TANC1: variants seen among roughly 807,000 people sequenced by gnomAD.
TANC1 encodes protein TANC1.
A neutral mutation model predicts 149.7 loss-of-function variants in TANC1; 77 were observed. The ratio of observed to expected loss-of-function variants is 0.51; its 90% CI spans 0.43 to 0.62. The LOEUF is 0.62. Ranked by LOEUF, TANC1 falls within the 20% of genes least tolerant of loss-of-function variation. The pLI is 0.00. For missense variants in TANC1, 1,985 were observed against 2,321.8 expected, an observed-to-expected ratio of 0.85 and a Z score of 2.98; for synonymous variants, 854 against 925.0, an observed-to-expected ratio of 0.92 and a Z score of 1.39.
chr2:159,025,237 C>CTTTCTTTCT (rs2039217348), intron 2 of TANC1, among the ~76,000 whole-genome samples: 1 of 112,576 alleles, frequency 8.9e-6, no homozygotes, highest in Non-Finnish European at 1.9e-5. Context: ...TTCTTTCTTT[C>CTTTCTTTCT]TTTTCTCCTT....
rs1318908417 is a variant in TANC1, at chr2:159,004,045, T to C, written c.-16+2856T>C. Reference sequence around the variant, plus strand: ...ATGATTAAAGATGATGGGACAGTTATTCATTTCAACAATCCCAAAGTCCAA... The same window carrying C: ...ATGATTAAAGATGATGGGACAGTTACTCATTTCAACAATCCCAAAGTCCAA... On this transcript the variant is annotated intron_variant, in intron 2 of 26. Transcript: ENST00000263635. 1.1e-5 allele frequency: 17 copies of C among 1,612,208 alleles called. No individual in the cohort carries two copies. The African/African-American group carries it at 1.2e-4, about 11-fold the overall frequency.
At chr2:159,092,202 A>T (rs2045627910) in intron 3 of TANC1, among the ~76,000 whole-genome samples, 1 of 152,132 alleles carries the variant, frequency 6.6e-6, no homozygotes, top group African/African-American at 2.4e-5. Flanking sequence ...AATAAATGGA[A>T]ATCTTATTTC....
intron 19 of TANC1, 124 bp from the exon 20 acceptor site, chr2:159,217,373 A>G: frequency 8.1e-7 from 1 of 1,234,110 alleles, no homozygotes; most frequent in Non-Finnish European, 1.2e-6. Flanking sequence ...GAGCCCCCGC[A>G]GGTTCAAAGG....
intron 8 of TANC1, among the ~76,000 whole-genome samples, chr2:159,165,493 A>G (rs1409910049): frequency 1.3e-5 from 2 of 152,230 alleles, no homozygotes; most frequent in Non-Finnish European, 2.9e-5. Context: ...TTAACAAGCT[A>G]GGAGTCTGGT....
chr2:159,149,647 G>A, intron 6 of TANC1: 1 of 225,330 alleles, frequency 4.4e-6, no homozygotes, highest in Non-Finnish European at 8.9e-6. Flanking sequence ...TAGCTGTTGA[G>A]ATTTTGGAGG....
At chr2:159,193,524 G>T (rs1487115547) in intron 16 of TANC1, among the ~76,000 whole-genome samples, 1 of 152,050 alleles carries the variant, frequency 6.6e-6, no homozygotes, top group African/African-American at 2.4e-5. Context: ...GTTATTTTTT[G>T]TTGTTTTGTT....
At chr2:158,992,440 G>T (rs1473613624) in intron 1 of TANC1, among the ~76,000 whole-genome samples, 1 of 150,978 alleles carries the variant, frequency 6.6e-6, no homozygotes, top group African/African-American at 2.4e-5. Flanking sequence ...TCTGTTCTTT[G>T]CCTATGCCTT....
chr2:158,996,627 T>G (rs191930253), intron 1 of TANC1, among the ~76,000 whole-genome samples: 1 of 152,250 alleles, frequency 6.6e-6, no homozygotes, highest in Non-Finnish European at 1.5e-5. Context: ...CTAGTTTTAT[T>G]GAATGACTTC....
chr2:159,099,090 A>G (rs1000158658), intron 4 of TANC1, among the ~76,000 whole-genome samples: 1 of 152,200 alleles, frequency 6.6e-6, no homozygotes, highest in Non-Finnish European at 1.5e-5. Context: ...GCACCCTTAA[A>G]GGCTCTGAAT....
intron 4 of TANC1, among the ~76,000 whole-genome samples, chr2:159,105,821 A>G (rs2047125385): frequency 6.6e-6 from 1 of 152,222 alleles, no homozygotes; most frequent in Non-Finnish European, 1.5e-5. Context: ...TTAACATTGT[A>G]GATGAATTAT....
intron 1 of TANC1, among the ~76,000 whole-genome samples, chr2:158,984,697 T>G (rs1370442703): frequency 4.8e-5 from 7 of 145,882 alleles, no homozygotes; most frequent in South Asian, 2.2e-4. Flanking sequence ...GGAGGAGGAG[T>G]TGACAGTGGC....
At chr2:159,074,667 C>T (rs953659922) in intron 3 of TANC1, among the ~76,000 whole-genome samples, 1 of 152,088 alleles carries the variant, frequency 6.6e-6, no homozygotes, top group South Asian at 2.1e-4. Context: ...TTTCCAAGTA[C>T]GAGATGTTAA....
intron 2 of TANC1, among the ~76,000 whole-genome samples, chr2:159,063,083 A>G (rs532527976): frequency 5.3e-5 from 8 of 151,944 alleles, no homozygotes; most frequent in African/African-American, 1.7e-4. Flanking sequence ...CAAGCCAGAC[A>G]GTTGTGTGAA....
intron 2 of TANC1, among the ~76,000 whole-genome samples, chr2:159,061,690 A>T (rs1014398590): frequency 2.0e-5 from 3 of 152,158 alleles, no homozygotes; most frequent in Non-Finnish European, 4.4e-5. Context: ...TCTTTTTGTT[A>T]TAGGGGTGTC....
Position 159,194,339 on chromosome 2 carries a change from A to C in TANC1, c.2825A>C (p.Gln942Pro). Residue 942 changes from glutamine (Q) to proline (P), a missense_variant, in exon 17 of 27, where the codon CAG becomes CCG. Coordinates refer to ENST00000263635, the MANE Select transcript of TANC1 (RefSeq NM_033394.3). ...VLNNAPILCV[Q>P]SHLGHEEVVT... The stretch of plus-strand genomic sequence containing the variant: ...AATAATGCCCCAATCCTGTGCGTCC[A>C]GTCTCACCTTGGCCACGAGGAAGTT... The C allele has an allele frequency of 2.5e-6, 4 of 1,614,274 alleles. No homozygotes were observed. The highest frequency in any genetic ancestry group is 3.4e-6 in the Non-Finnish European group (4 of 1,180,050).
At chr2:159,179,266 A>G in intron 14 of TANC1, 103 bp downstream of exon 14, 1 of 1,415,224 alleles carries the variant, frequency 7.1e-7, no homozygotes, top group Non-Finnish European at 9.5e-7. Context: ...GGCAATCCAG[A>G]ATGACTAATT....
intron 7 of TANC1, among the ~76,000 whole-genome samples, chr2:159,158,847 A>G (rs367732011): frequency 1.1e-4 from 16 of 152,328 alleles, no homozygotes; most frequent in African/African-American, 3.8e-4. Context: ...GGAGACGCAT[A>G]CCTCCTTGTG....
intron 4 of TANC1, among the ~76,000 whole-genome samples, chr2:159,101,701 C>G (rs1359293094): frequency 6.6e-6 from 1 of 152,066 alleles, no homozygotes; most frequent in Non-Finnish European, 1.5e-5. Flanking sequence ...CTGCTGTTTT[C>G]CAGAGAAGAG....
chr2:159,091,430 C>G (rs2045527374), intron 3 of TANC1, among the ~76,000 whole-genome samples: 1 of 152,074 alleles, frequency 6.6e-6, no homozygotes, highest in Admixed American at 6.6e-5. Context: ...TAAATTGCAC[C>G]CCTCTGGGAG....
Sources: gnomAD v4.1 joint callset for allele counts (sites outside exome capture counted in the v4.1 genomes callset) on GRCh38, gnomAD v4.1.1 for gene constraint, MANE v1.5 for transcripts, NCBI Gene and HGNC (gene_info 2026-07-23, HGNC 2026-07-21) for gene names.